Variants in ABI3BP observed in about 807,000 individuals in gnomAD.
ABI3BP encodes the protein target of Nesh-SH3.
A neutral mutation model predicts 268.6 loss-of-function variants in ABI3BP; 216 were observed. That is an observed-to-expected ratio of 0.80 (90% CI 0.72 to 0.90). The LOEUF (loss-of-function observed/expected upper bound fraction) is 0.90, where lower values mean the gene tolerates loss of function less well. ABI3BP is among the 40% of genes least tolerant of loss of function. The probability of loss-of-function intolerance (pLI) is 0.00; values close to 1 mark genes in which losing one functional copy is unlikely to be tolerated. For synonymous variants in ABI3BP, 730 were observed against 730.0 expected (o/e 1.00, Z 0.00); for missense variants, 2,090 against 2,182.4 (o/e 0.96, Z 0.84).
At chr3:100,757,945 G>A (rs779979972) in intron 63 of ABI3BP, among the ~76,000 whole-genome samples, 7 of 152,048 alleles carry the variant, frequency 4.6e-5, no homozygotes, top group Non-Finnish European at 8.8e-5. Flanking sequence ...AGAACTATAA[G>A]ACCTACCACA....
At position 100,862,163 on chromosome 3, in the gene ABI3BP, T is replaced by C. The variant is rs553695017; in HGVS notation, c.1285+148A>G. ...CATTTTGCTTTTGTAATGGGGAAAA[T>C]GAGGTTCATCTCAGTATCAACAAAT... On this transcript the variant is annotated intron_variant, in intron 14 of 67. Coordinates refer to ENST00000471714, the MANE Select transcript of ABI3BP (RefSeq NM_001375547.2). The C allele has an allele frequency of 1.2e-4, 71 of 615,340 alleles. 1 individual carries two copies. Among genetic ancestry groups the C allele is most frequent in the Middle Eastern group, 9.0e-4 (2 of 2,214 alleles). The allele number at this position is 615,340 out of a possible 1,614,324, so 38.1% of individuals were successfully genotyped here.
At chr3:100,830,842 A>G (rs1243323502) in intron 31 of ABI3BP, among the ~76,000 whole-genome samples, 1 of 152,154 alleles carries the variant, frequency 6.6e-6, no homozygotes, top group Non-Finnish European at 1.5e-5. Flanking sequence ...ACAGTCAGCA[A>G]TAGCCTTTGG....
chr3:100,918,132 T>A (rs563669641), intron 2 of ABI3BP, among the ~76,000 whole-genome samples: 1 of 152,210 alleles, frequency 6.6e-6, no homozygotes, highest in Non-Finnish European at 1.5e-5. Flanking sequence ...ACTTCCCAAG[T>A]GGTAAATCTA....
chr3:100,913,013 AG>A (rs2153568510), intron 2 of ABI3BP, among the ~76,000 whole-genome samples: 1 of 152,332 alleles, frequency 6.6e-6, no homozygotes, highest in Non-Finnish European at 1.5e-5. Flanking sequence ...GTCTAGGCAG[AG>A]GCGGGCAGGC....
intron 52 of ABI3BP, 100 bp from the exon 53 acceptor site, chr3:100,795,951 T>C: frequency 2.5e-6 from 2 of 816,036 alleles, no homozygotes; most frequent in Non-Finnish European, 3.3e-6. Context: ...TTTAATAATT[T>C]AAATGTTCTC....
rs571360841 is a variant in ABI3BP at position 100,848,425 on chromosome 3, T to G, written c.1576+376A>C. ...TATTCTGCATTATTAATTATTCATCTTTAGTTAATCTCAAATTTTGTAAAG... is the reference window on the plus strand; with the variant it reads ...TATTCTGCATTATTAATTATTCATCGTTAGTTAATCTCAAATTTTGTAAAG... On this transcript the variant is annotated intron_variant, in intron 18 of 67. Transcript: ENST00000471714. Among the ~76,000 whole-genome samples the G allele has an allele frequency of 1.4e-4, 22 of 152,270 alleles. No individual in the cohort carries two copies. The East Asian group carries it at 4.2e-3, about 29-fold the overall frequency.
At position 100,839,765 on chromosome 3, in the gene ABI3BP, C is replaced by T. The variant is rs779083897; in HGVS notation, c.1898-149G>A. ...TTTACAGTTCCCATTTTCCTTTCTC[C>T]TTGTTGCTTTCCCACACCTCATCTG... is the stretch of plus-strand genomic sequence containing the variant. On this transcript the variant is annotated intron_variant, in intron 23 of 67. Coordinates refer to ENST00000471714, the MANE Select transcript of ABI3BP (RefSeq NM_001375547.2). 4 of 897,354 alleles carry T rather than the reference C, an allele frequency of 4.5e-6. No homozygotes were observed. In the Admixed American group the frequency reaches 8.2e-5, roughly 18 times the overall value. 55.6% of individuals were successfully genotyped at this position (897,354 alleles called of 1,614,324 possible). A position where few individuals can be genotyped will look rare whatever the true frequency, so the allele number is the denominator to read the frequency against.
intron 1 of ABI3BP, among the ~76,000 whole-genome samples, chr3:100,977,769 G>A (rs2086984344): frequency 6.6e-6 from 1 of 152,104 alleles, no homozygotes; most frequent in Non-Finnish European, 1.5e-5. Flanking sequence ...AATAACAGCA[G>A]GTGAGAATAA....
intron 1 of ABI3BP, among the ~76,000 whole-genome samples, chr3:100,988,043 CATAAATAT>C (rs1260120362): frequency 2.6e-5 from 4 of 152,176 alleles, no homozygotes; most frequent in African/African-American, 9.6e-5. Flanking sequence ...CCCAGCAATA[CATAAATAT>C]ATGTTACTCA....
intron 20 of ABI3BP, among the ~76,000 whole-genome samples, chr3:100,845,814 A>G (rs1237908361): frequency 2.0e-5 from 3 of 151,036 alleles, no homozygotes; most frequent in Non-Finnish European, 4.4e-5. Context: ...ATTATTATAT[A>G]TATAGAATGA....
chr3:100,969,727 A>G (rs2082758687), intron 1 of ABI3BP, among the ~76,000 whole-genome samples: 1 of 152,226 alleles, frequency 6.6e-6, no homozygotes, highest in African/African-American at 2.4e-5. Context: ...TTGCTGGAAT[A>G]GAGTCAGGGT....
intron 1 of ABI3BP, among the ~76,000 whole-genome samples, chr3:100,934,871 A>G (rs1200086382): frequency 6.6e-6 from 1 of 152,122 alleles, no homozygotes; most frequent in Non-Finnish European, 1.5e-5. Context: ...TAGATTCTGG[A>G]TATTAACCCT....
chr3:100,916,029 A>C (rs1484261458), intron 2 of ABI3BP, among the ~76,000 whole-genome samples: 1 of 152,158 alleles, frequency 6.6e-6, no homozygotes, highest in East Asian at 1.9e-4. Context: ...TATTGCATGT[A>C]GTTTTTTCCT....
chr3:100,835,323 A>G (rs1389812025), intron 28 of ABI3BP, among the ~76,000 whole-genome samples: 2 of 152,204 alleles, frequency 1.3e-5, no homozygotes, highest in African/African-American at 4.8e-5. Context: ...AACATAGAAC[A>G]CTACTGGAGC....
chr3:100,816,229 T>G, intron 43 of ABI3BP: 1 of 483,406 alleles, frequency 2.1e-6, no homozygotes, highest in Non-Finnish European at 3.6e-6. Flanking sequence ...TATTTGGTTT[T>G]CTAACTAGTA....
rs557539507 is a variant in ABI3BP, at chr3:100,911,978, A to G, written c.260-9292T>C. Reference sequence around the variant, plus strand: ...CTTCACTTGAGGAATTATAAAAGCTAAAAAAAGCATGGAATATATTTCTGA... The same window carrying G: ...CTTCACTTGAGGAATTATAAAAGCTGAAAAAAGCATGGAATATATTTCTGA... On this transcript the variant is annotated intron_variant, in intron 2 of 67. Transcript: ENST00000471714. 7 of 838,410 alleles carry G rather than the reference A, an allele frequency of 8.3e-6. No homozygotes were observed. The East Asian group carries it at 1.7e-4, about 20-fold the overall frequency. 51.9% of individuals were successfully genotyped at this position (838,410 alleles called of 1,614,324 possible). A position where few individuals can be genotyped will look rare whatever the true frequency, so the allele number is the denominator to read the frequency against.
At chr3:100,848,772 A>C (rs371242289) in intron 18 of ABI3BP, 29 bp downstream of exon 18, 2 of 1,592,194 alleles carry the variant, frequency 1.3e-6, no homozygotes, top group Non-Finnish European at 1.7e-6. Context: ...CTGGAATTAC[A>C]TATCATGTAA....
At chr3:100,876,183 C>G (rs188281833) in intron 7 of ABI3BP, among the ~76,000 whole-genome samples, 9 of 152,188 alleles carry the variant, frequency 5.9e-5, no homozygotes, top group Admixed American at 5.9e-4. Context: ...TTAAAGTGAC[C>G]ACTAAATCAG....
chr3:100,835,622 C>T lies in ABI3BP; in HGVS notation c.2170G>A (p.Glu724Lys). ...TTACCTAATGTTGTCACTGTAGCCT[C>T]AGTTCTCACAGTTACAGGCTCAATG... The part of the protein sequence containing the change: ...TDIEPVTVRT[E>K]ATVTTLAPKT... The change falls in exon 28 of 68, where the codon GAG becomes AAG. Residue 724 changes from glutamate (E) to lysine (K), a missense_variant. By Grantham distance (56) the Glu-to-Lys change is moderately conservative. Transcript: ENST00000471714. 6.5e-6 allele frequency: 10 copies of T among 1,535,296 alleles called. No homozygotes were observed. Among genetic ancestry groups the T allele is most frequent in the Non-Finnish European group, 8.7e-6 (10 of 1,146,338 alleles).
Sources: gnomAD v4.1 joint callset for allele counts (sites outside exome capture counted in the v4.1 genomes callset) on GRCh38, gnomAD v4.1.1 for gene constraint, MANE v1.5 for transcripts, NCBI Gene and HGNC (gene_info 2026-07-23, HGNC 2026-07-21) for gene names.